DST: variants seen among roughly 807,000 people sequenced by gnomAD.
DST encodes the protein bullous pemphigoid antigen.
Under a neutral mutation model 875.2 loss-of-function variants are expected in DST, and 253 were observed. The ratio of observed to expected loss-of-function variants is 0.29; its 90% CI spans 0.26 to 0.32. The LOEUF is 0.32. Ranked by LOEUF, DST falls within the 10% of genes least tolerant of loss-of-function variation. The pLI is 1.00. For synonymous variants in DST, 3,124 were observed against 3,197.1 expected (o/e 0.98, Z 0.77); for missense variants, 8,287 against 9,111.6 (o/e 0.91, Z 3.68).
intron 5 of DST, among the ~76,000 whole-genome samples, chr6:56,708,314 A>G (rs1375925737): frequency 6.6e-6 from 1 of 152,194 alleles, no homozygotes; most frequent in Admixed American, 6.5e-5. Context: ...TAAAAAATCA[A>G]TGACCTGTCA....
chr6:56,604,964 C>T lies in DST; in HGVS notation c.9664G>A (p.Val3222Ile), dbSNP rs1021375213. ...PPMKEHLQLG[V>I]NNTKEKSTST... ...GTGGACTTCTCTTTTGTATTATTAA[C>T]TCCTAATTGTAAATGTTCTTTCATG... The change falls in exon 40 of 104, where the codon GTT (valine) becomes ATT (isoleucine). Residue 3222 changes from valine to isoleucine, a missense_variant. Val to Ile is a conservative substitution (Grantham distance 29). Coordinates refer to ENST00000680361, the MANE Select transcript of DST (RefSeq NM_001374736.1). The T allele has an allele frequency of 6.2e-7, 1 of 1,612,816 alleles. No homozygotes were observed.
intron 9 of DST, among the ~76,000 whole-genome samples, chr6:56,690,891 T>G: frequency 6.6e-6 from 1 of 152,138 alleles, no homozygotes; most frequent in Non-Finnish European, 1.5e-5. Flanking sequence ...TTGGACTCTT[T>G]GTGTGCCACA....
intron 4 of DST, among the ~76,000 whole-genome samples, chr6:56,789,103 G>A (rs1293968547): frequency 6.6e-6 from 1 of 152,158 alleles, no homozygotes; most frequent in African/African-American, 2.4e-5. Flanking sequence ...CCAGCACTTT[G>A]GAAGGCCAAG....
At chr6:56,852,021 A>G (rs930079949) in intron 3 of DST, 1 of 1,432,106 alleles carries the variant, frequency 7.0e-7, no homozygotes, top group African/African-American at 1.4e-5. Context: ...TAATTCATCA[A>G]TGCAACTAAC....
At chr6:56,643,553 G>C (rs77781175) in intron 15 of DST, among the ~76,000 whole-genome samples, 1 of 152,116 alleles carries the variant, frequency 6.6e-6, no homozygotes, top group Non-Finnish European at 1.5e-5. Context: ...AAGAACACTG[G>C]CTCTTTCCCA....
chr6:56,519,091 T>C (rs2096648069), intron 69 of DST, among the ~76,000 whole-genome samples: 1 of 152,074 alleles, frequency 6.6e-6, no homozygotes, highest in African/African-American at 2.4e-5. Context: ...CCATGGACCT[T>C]GGGCCACAAG....
At chr6:56,806,693 T>C (rs1179970975) in intron 4 of DST, among the ~76,000 whole-genome samples, 3 of 152,230 alleles carry the variant, frequency 2.0e-5, no homozygotes, top group African/African-American at 7.2e-5. Context: ...CATCATTACT[T>C]GATGGTAAAG....
intron 49 of DST, among the ~76,000 whole-genome samples, chr6:56,584,680 A>G (rs2098108310): frequency 6.6e-6 from 1 of 152,006 alleles, no homozygotes; most frequent in African/African-American, 2.4e-5. Context: ...CCAGTTTTCA[A>G]AGGGAATGCT....
At chr6:56,744,390 A>C (rs2099563130) in intron 4 of DST, among the ~76,000 whole-genome samples, 1 of 151,820 alleles carries the variant, frequency 6.6e-6, no homozygotes, top group Admixed American at 6.6e-5. Context: ...AAAAAAAAAA[A>C]GGTAAACATT....
At chr6:56,655,051 C>G (rs992874181) in intron 10 of DST, among the ~76,000 whole-genome samples, 4 of 151,154 alleles carry the variant, frequency 2.6e-5, no homozygotes, top group African/African-American at 9.8e-5. Flanking sequence ...ACCCCAGCTA[C>G]TCGGGAGGGT....
At chr6:56,472,576 C>T (rs1052270155) in intron 93 of DST, among the ~76,000 whole-genome samples, 3 of 152,148 alleles carry the variant, frequency 2.0e-5, no homozygotes, top group Admixed American at 1.3e-4. Context: ...ATCTCCCAGG[C>T]CAGTGAGACT....
chr6:56,914,585 T>A (rs1800065975), intron 2 of DST, among the ~76,000 whole-genome samples: 1 of 152,170 alleles, frequency 6.6e-6, no homozygotes, highest in Non-Finnish European at 1.5e-5. Flanking sequence ...TATTTTAGGG[T>A]GTTTTTCCCG....
chr6:56,608,364 C>A lies in DST; in HGVS notation c.6264G>T (p.Gln2088His). Residue 2088 changes from glutamine to histidine, a missense_variant, in exon 40 of 104, where the codon CAG becomes CAT. Around this residue, in one of 10 missense-constraint regions of DST, gnomAD observed 3,138 missense variants for 3,116.6 expected, o/e 1.01. Transcript: ENST00000680361. Reference protein sequence around the residue: ...GEIFPTSSSLQQELITNELAY... With the variant: ...GEIFPTSSSLHQELITNELAY... Reference sequence around the variant, plus strand: ...CCAATTCATTTGTAATCAATTCTTGCTGCAAGGAAGATGATGTGGGAAATA... The same window carrying A: ...CCAATTCATTTGTAATCAATTCTTGATGCAAGGAAGATGATGTGGGAAATA... 6.2e-7 allele frequency: 1 copy of A among 1,612,676 alleles called. No homozygotes were observed. The highest frequency in any genetic ancestry group is 8.5e-7 in the Non-Finnish European group (1 of 1,179,778).
chr6:56,830,056 A>C (rs1399385770), intron 4 of DST, among the ~76,000 whole-genome samples: 1 of 152,152 alleles, frequency 6.6e-6, no homozygotes, highest in African/African-American at 2.4e-5. Flanking sequence ...ATAAATATTT[A>C]ATTGCTAATT....
Position 56,598,303 on chromosome 6 carries a change from C to A in DST, c.11928+173G>T, listed in dbSNP as rs371628269. 9.9e-5 allele frequency among the ~76,000 whole-genome samples: 15 copies of A among 152,284 alleles called. No individual in the cohort carries two copies. The East Asian group carries it at 2.7e-3, about 27-fold the overall frequency. On this transcript the variant is annotated intron_variant, in intron 46 of 103. Transcript: ENST00000680361. ...AATATTAAGAAAAAGTTAAGCAAAG[C>A]CAACTCTTCAAACCTTTTGTAGTAC...
intron 10 of DST, among the ~76,000 whole-genome samples, chr6:56,664,676 T>C (rs534953012): frequency 6.6e-6 from 1 of 152,282 alleles, no homozygotes; most frequent in South Asian, 2.1e-4. Context: ...GTATTCTTTG[T>C]TAGTCTTTTG....
intron 2 of DST, among the ~76,000 whole-genome samples, chr6:56,905,488 T>G (rs1264951904): frequency 1.3e-5 from 2 of 152,212 alleles, no homozygotes; most frequent in African/African-American, 4.8e-5. Flanking sequence ...AGATACTTTA[T>G]ATAAATGGAA....
intron 69 of DST, among the ~76,000 whole-genome samples, chr6:56,521,774 A>C (rs772339244): frequency 6.6e-6 from 1 of 152,054 alleles, no homozygotes; most frequent in Non-Finnish European, 1.5e-5. Flanking sequence ...GACTCACTCA[A>C]ATGACTGGTT....
chr6:56,686,580 T>C (rs537009544), intron 9 of DST, among the ~76,000 whole-genome samples: 84 of 152,200 alleles, frequency 5.5e-4, no homozygotes, highest in Non-Finnish European at 9.1e-4. Context: ...AAGCTAACTA[T>C]GGAATTTGAA....
Sources: allele counts gnomAD v4.1 joint callset (sites outside exome capture counted in the v4.1 genomes callset), GRCh38; gene constraint gnomAD v4.1.1; regional missense constraint gnomAD v4.1.1; transcripts MANE v1.5; gene names NCBI Gene and HGNC (gene_info 2026-07-23, HGNC 2026-07-21).